The following BRD4 variants were observed in gnomAD, a reference collection of about 807,000 sequenced individuals.
BRD4 encodes bromodomain-containing protein 4.
A neutral mutation model predicts 142.1 loss-of-function variants in BRD4; 16 were observed. The observed-to-expected ratio is 0.11, with a 90% CI of 0.08 to 0.17. The LOEUF is 0.17. Among genes scored for constraint, BRD4 ranks in the 10% least tolerant of loss-of-function variants. The pLI is 1.00. For synonymous variants in BRD4, 833 were observed against 707.5 expected (o/e 1.18, Z -2.82); for missense variants, 1,424 against 1,810.9 (o/e 0.79, Z 3.88).
chr19:15,272,828 T>C lies in BRD4; in HGVS notation c.272A>G (p.Lys91Arg), dbSNP rs559089423. 5.6e-6 allele frequency: 9 copies of C among 1,613,936 alleles called. No homozygotes were observed. The highest frequency in any genetic ancestry group is 1.3e-5 in the African/African-American group (1 of 75,056). ...CACACTACTCACAGGGAGGTTCAGC[T>C]TGACGGCATCCACAGGCTGCTGGAA... Reference protein sequence around the residue: ...WPFQQPVDAVKLNLPDYYKII... With the variant: ...WPFQQPVDAVRLNLPDYYKII... Residue 91 changes from lysine to arginine, a missense_variant, in exon 2 of 20, where the codon AAG (lysine) becomes AGG (arginine). Around this residue, in one of 16 missense-constraint regions of BRD4, gnomAD observed 55 missense variants for 160.7 expected, o/e 0.34. Transcript: ENST00000679869.
chr19:15,319,251 C>T (rs1280530090), intron 1 of BRD4, among the ~76,000 whole-genome samples: 1 of 152,162 alleles, frequency 6.6e-6, no homozygotes, highest in Non-Finnish European at 1.5e-5. Context: ...GGGCAGATCA[C>T]TTGAGCCCAG....
chr19:15,311,141 A>C (rs1183579486), intron 1 of BRD4, among the ~76,000 whole-genome samples: 1 of 152,034 alleles, frequency 6.6e-6, no homozygotes, highest in Non-Finnish European at 1.5e-5. Flanking sequence ...AAATACAAAA[A>C]TTAGCCAGGC....
At chr19:15,322,425 G>A (rs964404058) in intron 1 of BRD4, among the ~76,000 whole-genome samples, 9 of 151,924 alleles carry the variant, frequency 5.9e-5, no homozygotes, top group African/African-American at 2.2e-4. Context: ...AAAACACAAA[G>A]AAAGCCAGGC....
intron 8 of BRD4, 72 bp from the exon 9 acceptor site, chr19:15,256,335 T>C: frequency 6.4e-7 from 1 of 1,558,242 alleles, no homozygotes; most frequent in Non-Finnish European, 8.6e-7. Context: ...CCCAGGCGTC[T>C]GCTCCAAAAA....
At chr19:15,247,447 C>T (rs527241465) in intron 11 of BRD4, 3 of 232,944 alleles carry the variant, frequency 1.3e-5, no homozygotes, top group African/African-American at 2.2e-5. Flanking sequence ...AAGCCCTGAA[C>T]GTTCTCTGCC....
chr19:15,332,024 T>C (rs2145033181), intron 1 of BRD4: 1 of 125,828 alleles, frequency 7.9e-6, no homozygotes, highest in Admixed American at 9.1e-5. Context: ...CAAGCCCGGG[T>C]CCGACGGCAC....
chr19:15,242,559 C>T lies in BRD4; in HGVS notation c.3169+341G>A, dbSNP rs77156148. ...TGCTACCTGTCTGCGATCACTGCCT[C>T]TTGGAAGCATATCCTGACCCCCTGA... On this transcript the variant is annotated intron_variant, in intron 14 of 19. Transcript: ENST00000679869. Among the ~76,000 whole-genome samples, 164 of 152,252 alleles carry T rather than the reference C, an allele frequency of 1.1e-3. 1 individual carries two copies. The highest frequency in any genetic ancestry group is 3.8e-3 in the African/African-American group (157 of 41,532).
At chr19:15,267,841 C>T (rs2047550895) in intron 3 of BRD4, among the ~76,000 whole-genome samples, 1 of 152,192 alleles carries the variant, frequency 6.6e-6, no homozygotes, top group Non-Finnish European at 1.5e-5. Context: ...CTACCAAGCT[C>T]AGCCAATCAC....
intron 1 of BRD4, among the ~76,000 whole-genome samples, chr19:15,309,390 G>A (rs185167304): frequency 8.0e-4 from 118 of 148,368 alleles, no homozygotes; most frequent in African/African-American, 2.8e-3. Context: ...AGGTTTAAAA[G>A]GAATCTTTGC....
chr19:15,309,800 C>T (rs1568407452), intron 1 of BRD4, among the ~76,000 whole-genome samples: 1 of 152,138 alleles, frequency 6.6e-6, no homozygotes, highest in African/African-American at 2.4e-5. Context: ...TTCTGAGGCT[C>T]CATGCTGCCC....
rs752256560 is a variant in BRD4 at position 15,272,887 on chromosome 19, G to C, written c.213C>G (p.Leu71=). 1.2e-6 allele frequency: 2 copies of C among 1,614,136 alleles called. No homozygotes were observed. Among genetic ancestry groups the C allele is most frequent in the Non-Finnish European group, 1.7e-6 (2 of 1,180,028 alleles). The change falls in exon 2 of 20, where the codon CTC becomes CTG. Residue 71 remains leucine, a synonymous_variant. Coordinates refer to ENST00000679869, the MANE Select transcript of BRD4 (RefSeq NM_001379291.1). The part of the protein sequence containing the change: ...NQLQYLLRVV[L]KTLWKHQFAW... Reference sequence around the variant, plus strand: ...CAAACTGGTGTTTCCATAGTGTCTTGAGCACCACTCTGAGCAGGTATTGCA... The same window carrying C: ...CAAACTGGTGTTTCCATAGTGTCTTCAGCACCACTCTGAGCAGGTATTGCA...
At chr19:15,305,108 T>G (rs1029667124) in intron 1 of BRD4, among the ~76,000 whole-genome samples, 6 of 143,012 alleles carry the variant, frequency 4.2e-5, no homozygotes, top group Non-Finnish European at 7.5e-5. Context: ...AACCTCCACC[T>G]CCTGGGTTCA....
At position 15,296,147 on chromosome 19, in the gene BRD4, A is replaced by G. The variant is rs148786568; in HGVS notation, c.-34-23014T>C. On this transcript the variant is annotated intron_variant, in intron 1 of 19. Coordinates refer to ENST00000679869, the MANE Select transcript of BRD4 (RefSeq NM_001379291.1). Reference sequence around the variant, plus strand: ...CGCACGCCTGTAGTCCCAGCTACTCAGGAGGCTGAGGCAGGAGAATCGCTT... The same window carrying G: ...CGCACGCCTGTAGTCCCAGCTACTCGGGAGGCTGAGGCAGGAGAATCGCTT... 4.8e-3 allele frequency among the ~76,000 whole-genome samples: 719 copies of G among 150,644 alleles called. 6 individuals are homozygous for G. The highest frequency in any genetic ancestry group is 0.017 in the African/African-American group (694 of 40,810).
intron 1 of BRD4, among the ~76,000 whole-genome samples, chr19:15,282,315 T>C (rs2047711080): frequency 6.6e-6 from 1 of 152,232 alleles, no homozygotes; most frequent in African/African-American, 2.4e-5. Flanking sequence ...AATGTGATGT[T>C]ACATCAGAAA....
Position 15,238,295 on chromosome 19 carries a change from T to C in BRD4, c.*82A>G, listed in dbSNP as rs1599427671. 1 of 1,591,586 alleles carries C rather than the reference T, an allele frequency of 6.3e-7. No individual in the cohort carries two copies. The highest frequency in any genetic ancestry group is 8.6e-7 in the Non-Finnish European group (1 of 1,167,412). The stretch of plus-strand genomic sequence containing the variant: ...CCCTGAGGCATCCCCTGGCCGCTGA[T>C]CCCACCTCCACCACCGCCCCTAACA... On this transcript the variant is annotated 3_prime_UTR_variant, in exon 20 of 20. Coordinates refer to ENST00000679869, the MANE Select transcript of BRD4 (RefSeq NM_001379291.1). The surrounding 1 kb of genome is among the most constrained non-coding windows in gnomAD (Gnocchi z 7.2).
At chr19:15,283,050 G>C (rs1179504855) in intron 1 of BRD4, among the ~76,000 whole-genome samples, 1 of 152,196 alleles carries the variant, frequency 6.6e-6, no homozygotes, top group Non-Finnish European at 1.5e-5. Flanking sequence ...CCTGCTTTGA[G>C]AGAGACTCCA....
intron 1 of BRD4, among the ~76,000 whole-genome samples, chr19:15,301,932 T>C (rs1397592872): frequency 6.8e-6 from 1 of 147,040 alleles, no homozygotes; most frequent in East Asian, 2.0e-4. Flanking sequence ...ATTAGGAGGA[T>C]GAGGCAGGAG....
intron 1 of BRD4, among the ~76,000 whole-genome samples, chr19:15,320,998 C>T (rs977544717): frequency 8.5e-5 from 13 of 152,194 alleles, no homozygotes; most frequent in Non-Finnish European, 1.0e-4. Flanking sequence ...CTTTGGGAGG[C>T]CAAGGCGGAT....
intron 1 of BRD4, among the ~76,000 whole-genome samples, chr19:15,303,253 C>T (rs894685844): frequency 1.3e-5 from 2 of 152,178 alleles, no homozygotes; most frequent in Non-Finnish European, 2.9e-5. Flanking sequence ...TATGTACAGA[C>T]AGTTAATCTT....
Sources: allele counts gnomAD v4.1 joint callset (sites outside exome capture counted in the v4.1 genomes callset), GRCh38; gene constraint gnomAD v4.1.1; regional missense constraint gnomAD v4.1.1; non-coding constraint Gnocchi (gnomAD v3.1); transcripts MANE v1.5; gene names NCBI Gene and HGNC (gene_info 2026-07-23, HGNC 2026-07-21).